The following LIMD1 variants were observed in gnomAD, a reference collection of about 807,000 sequenced individuals.
LIMD1 encodes LIM domain-containing protein 1.
A neutral mutation model predicts 58.4 loss-of-function variants in LIMD1; 23 were observed. The ratio of observed to expected loss-of-function variants is 0.39; its 90% CI spans 0.28 to 0.56. The LOEUF is 0.56. Ranked by LOEUF, LIMD1 falls within the 20% of genes least tolerant of loss-of-function variation. LIMD1 has a pLI of 0.57. For missense variants in LIMD1, 838 were observed against 855.5 expected (o/e 0.98, Z 0.25); for synonymous variants, 334 against 345.5 (o/e 0.97, Z 0.37).
chr3:45,680,549 C>T lies in LIMD1; in HGVS notation c.*3490C>T. ...CAGGATGGTCTGGAACTCCTGGGCT[C>T]AAGTGATCTGCCCACTTCCGCCTCC... On this transcript the variant is annotated 3_prime_UTR_variant, in exon 8 of 8. Transcript: ENST00000273317. 1 of 152,314 alleles carries T rather than the reference C, an allele frequency of 6.6e-6. No homozygotes were observed. Among genetic ancestry groups the T allele is most frequent in the Non-Finnish European group, 1.5e-5 (1 of 68,064 alleles). The allele number at this position is 152,314 out of a possible 1,614,324, so 9.4% of individuals were successfully genotyped here. A position where few individuals can be genotyped will look rare whatever the true frequency, so the allele number is the denominator to read the frequency against.
In LIMD1 at chr3:45,594,803, A is replaced by ACACACACACACACACACAC. The variant is rs1559510618; in HGVS notation, c.-76_-58dup. 40 of 251,080 alleles carry ACACACACACACACACACAC rather than the reference A, an allele frequency of 1.6e-4. No homozygotes were observed. Among genetic ancestry groups the ACACACACACACACACACAC allele is most frequent in the Non-Finnish European group, 1.9e-4 (28 of 150,218 alleles). 15.6% of individuals were successfully genotyped at this position (251,080 alleles called of 1,614,324 possible). The stretch of plus-strand genomic sequence containing the variant: ...AACACACACACACACACACACACAC[A>ACACACACACACACACACAC]CACACACACACACACACACACACAC... On this transcript the variant is annotated 5_prime_UTR_variant, in exon 1 of 8. Coordinates refer to ENST00000273317, the MANE Select transcript of LIMD1 (RefSeq NM_014240.3).
chr3:45,622,290 C>G (rs995628831), intron 1 of LIMD1, among the ~76,000 whole-genome samples: 1 of 152,078 alleles, frequency 6.6e-6, no homozygotes, highest in Non-Finnish European at 1.5e-5. Flanking sequence ...AATTATTTTC[C>G]TTAGGAAAAA....
intron 2 of LIMD1, among the ~76,000 whole-genome samples, chr3:45,660,178 A>G (rs990337647): frequency 6.6e-6 from 1 of 152,178 alleles, no homozygotes; most frequent in African/African-American, 2.4e-5. Flanking sequence ...AAGCTCTGGA[A>G]GTCCTGCGCC....
chr3:45,660,018 A>G (rs1266431600), intron 2 of LIMD1, among the ~76,000 whole-genome samples: 1 of 152,206 alleles, frequency 6.6e-6, no homozygotes, highest in Non-Finnish European at 1.5e-5. Flanking sequence ...ATGTTCAATG[A>G]TCTTCCTCTG....
chr3:45,655,319 A>G (rs1401467221), intron 2 of LIMD1, among the ~76,000 whole-genome samples: 1 of 152,232 alleles, frequency 6.6e-6, no homozygotes, highest in African/African-American at 2.4e-5. Context: ...TTGAGTATAT[A>G]TTTAGTGTGA....
At chr3:45,673,627 C>A in intron 6 of LIMD1, 122 bp downstream of exon 6, 2 of 913,308 alleles carry the variant, frequency 2.2e-6, no homozygotes, top group Non-Finnish European at 3.6e-6. Context: ...AAAATCTCAA[C>A]TCTGGCCTGG....
At chr3:45,615,833 C>T (rs1017087838) in intron 1 of LIMD1, among the ~76,000 whole-genome samples, 1 of 147,370 alleles carries the variant, frequency 6.8e-6, no homozygotes, top group Non-Finnish European at 1.5e-5. Flanking sequence ...CAATGTCTGT[C>T]ATTCCGCACT....
intron 2 of LIMD1, among the ~76,000 whole-genome samples, chr3:45,642,552 C>G (rs1701854243): frequency 6.6e-6 from 1 of 152,148 alleles, no homozygotes; most frequent in South Asian, 2.1e-4. Flanking sequence ...TTTATGTTTT[C>G]CCTGCCAGGT....
At chr3:45,629,430 A>G (rs75628750) in intron 1 of LIMD1, among the ~76,000 whole-genome samples, 1 of 149,314 alleles carries the variant, frequency 6.7e-6, no homozygotes, top group Non-Finnish European at 1.5e-5. Flanking sequence ...AAAAAAAAAA[A>G]GAAAAGAAAA....
chr3:45,635,932 A>C (rs573016804), intron 1 of LIMD1: 1 of 985,142 alleles, frequency 1.0e-6, no homozygotes, highest in Non-Finnish European at 1.2e-6. Context: ...TGGGGCAGGG[A>C]AAGTGGGACC....
intron 2 of LIMD1, among the ~76,000 whole-genome samples, chr3:45,653,245 G>C (rs751977556): frequency 3.3e-5 from 5 of 152,240 alleles, no homozygotes; most frequent in Non-Finnish European, 5.9e-5. Flanking sequence ...GATGAGGAGG[G>C]AGAGAGGGTG....
chr3:45,673,198 C>G (rs538878301), intron 5 of LIMD1, among the ~76,000 whole-genome samples: 70 of 152,262 alleles, frequency 4.6e-4, no homozygotes, highest in African/African-American at 1.6e-3. Flanking sequence ...GTGCTAGGCA[C>G]CATGAGAGGT....
In LIMD1 at chr3:45,594,797, A is replaced by ACACACACACACACAC. The variant is rs1701316235; in HGVS notation, c.-82_-68dup. On this transcript the variant is annotated 5_prime_UTR_variant, in exon 1 of 8. Coordinates refer to ENST00000273317, the MANE Select transcript of LIMD1 (RefSeq NM_014240.3). ...GCCCTCAACACACACACACACACAC[A>ACACACACACACACAC]CACACACACACACACACACACACAC... 6.9e-5 allele frequency: 9 copies of ACACACACACACACAC among 129,690 alleles called. No homozygotes were observed. The East Asian group carries it at 1.2e-3, about 18-fold the overall frequency. 8.0% of individuals were successfully genotyped at this position (129,690 alleles called of 1,614,324 possible). A position where few individuals can be genotyped will look rare whatever the true frequency, so the allele number is the denominator to read the frequency against.
intron 2 of LIMD1, among the ~76,000 whole-genome samples, chr3:45,652,251 C>T (rs28581542): frequency 0.28 from 43,117 of 152,062 alleles, 6,636 homozygotes; most frequent in East Asian, 0.54. Flanking sequence ...TTATCTCAGA[C>T]ATTTTGGTTT....
At position 45,636,260 on chromosome 3, in the gene LIMD1, G is replaced by A. The variant is rs1188606750; in HGVS notation, c.1510+9G>A. ...CACCTGTGCAGCTTGCAGTAAGTGT[G>A]GGTGTGGGTGTCGGGTGTGTGGGGG... On this transcript the variant is annotated intron_variant, in intron 2 of 7. Transcript: ENST00000273317. 6.3e-7 allele frequency: 1 copy of A among 1,586,820 alleles called. No individual in the cohort carries two copies. Among genetic ancestry groups the A allele is most frequent in the East Asian group, 2.3e-5 (1 of 43,936 alleles).
intron 1 of LIMD1, among the ~76,000 whole-genome samples, chr3:45,615,752 CAA>C (rs764944056): frequency 2.1e-4 from 29 of 138,190 alleles, no homozygotes; most frequent in Non-Finnish European, 2.2e-4. Flanking sequence ...CAACTTGTCT[CAA>C]AAAAAAAAAA....
chr3:45,611,332 G>A (rs779030628), intron 1 of LIMD1, among the ~76,000 whole-genome samples: 5 of 152,230 alleles, frequency 3.3e-5, no homozygotes, highest in Non-Finnish European at 7.3e-5. Flanking sequence ...GAACGAATCC[G>A]TTCCCACTTG....
intron 1 of LIMD1, among the ~76,000 whole-genome samples, chr3:45,606,245 C>G (rs1701466958): frequency 6.6e-6 from 1 of 152,208 alleles, no homozygotes; most frequent in Non-Finnish European, 1.5e-5. Flanking sequence ...TATGAAGTAT[C>G]TTTGCTGAGT....
chr3:45,607,983 C>G (rs1701484907), intron 1 of LIMD1, among the ~76,000 whole-genome samples: 1 of 152,206 alleles, frequency 6.6e-6, no homozygotes, highest in Non-Finnish European at 1.5e-5. Context: ...TCCCCTCCTG[C>G]TACCTCAGTT....
Sources: gnomAD v4.1 joint callset for allele counts (sites outside exome capture counted in the v4.1 genomes callset) on GRCh38, gnomAD v4.1.1 for gene constraint, MANE v1.5 for transcripts, NCBI Gene and HGNC (gene_info 2026-07-23, HGNC 2026-07-21) for gene names.